DHRSX: variants seen among roughly 807,000 people sequenced by gnomAD.
The protein encoded by DHRSX is dehydrogenase/reductase X-linked, also known as polyprenol dehydrogenase.
In DHRSX, 31 loss-of-function variants were observed where a neutral mutation model predicts 34.0. The observed-to-expected ratio is 0.91, with a 90% CI of 0.69 to 1.23. DHRSX has a LOEUF of 1.23. Among genes scored for constraint, DHRSX ranks in the 50% most tolerant of loss-of-function variants. The pLI, the probability that DHRSX is intolerant of heterozygous loss-of-function variation, is 0.00. For synonymous variants in DHRSX, 201 were observed against 183.8 expected (o/e 1.09, Z -0.76); for missense variants, 414 against 428.1 (o/e 0.97, Z 0.29).
At chrX:2,494,753 G>C (rs1163682237) in intron 1 of DHRSX, among the ~76,000 whole-genome samples, 3 of 151,736 alleles carry the variant, frequency 2.0e-5, no homozygotes, top group African/African-American at 7.3e-5. Flanking sequence ...CTAGAGCCAA[G>C]TTTTATATTC....
At chrX:2,337,949 T>G (rs2042589502) in intron 3 of DHRSX, 1 of 146,956 alleles carries the variant, frequency 6.8e-6, no homozygotes, top group Non-Finnish European at 1.5e-5. Context: ...AAGTCCTTCA[T>G]GAACATAACA....
intron 3 of DHRSX, among the ~76,000 whole-genome samples, chrX:2,320,081 G>A (rs141712934): frequency 0.011 from 1,654 of 151,838 alleles, 33 homozygotes; most frequent in African/African-American, 0.037. Flanking sequence ...CACCCGCCTC[G>A]GCCTCCCAAA....
chrX:2,362,827 CA>C, intron 3 of DHRSX, among the ~76,000 whole-genome samples: 1 of 136,868 alleles, frequency 7.3e-6, no homozygotes, highest in African/African-American at 2.8e-5. Flanking sequence ...ATCATGCCTC[CA>C]TTTTATCACC....
chrX:2,294,428 C>A (rs2041905513), intron 3 of DHRSX, among the ~76,000 whole-genome samples: 1 of 152,012 alleles, frequency 6.6e-6, no homozygotes, highest in African/African-American at 2.4e-5. Flanking sequence ...CCTGTAATCT[C>A]AGCACTTTGG....
chrX:2,368,465 T>C (rs2043019777), intron 3 of DHRSX, among the ~76,000 whole-genome samples: 2 of 152,182 alleles, frequency 1.3e-5, no homozygotes, highest in South Asian at 4.1e-4. Flanking sequence ...TAATGAAACA[T>C]TTTTATGAGG....
rs2042357417 is a variant in DHRSX at position 2,324,785 on chromosome X, T to C, written c.287-33182A>G. ...TTTTCTTTTCTTTTTTTTTTTTTTT[T>C]TGAGATGGAGTCCCGCTCTGTCGCC... On this transcript the variant is annotated intron_variant, in intron 3 of 6. Coordinates refer to ENST00000334651, the MANE Select transcript of DHRSX (RefSeq NM_145177.3). 3.3e-5 allele frequency among the ~76,000 whole-genome samples: 5 copies of C among 149,900 alleles called. No homozygotes were observed. In the Admixed American group the frequency reaches 3.4e-4, roughly 10 times the overall value.
intron 3 of DHRSX, among the ~76,000 whole-genome samples, chrX:2,302,639 A>ATAT (rs963897862): frequency 6.6e-6 from 1 of 152,096 alleles, no homozygotes; most frequent in African/African-American, 2.4e-5. Context: ...AAATAAAGTA[A>ATAT]TATATTGGAT....
chrX:2,316,479 G>A (rs763071611), intron 3 of DHRSX, among the ~76,000 whole-genome samples: 1 of 152,208 alleles, frequency 6.6e-6, no homozygotes, highest in East Asian at 1.9e-4. Context: ...TTGAACCTGG[G>A]AGGTGGAGGT....
At chrX:2,377,541 A>T (rs2043155853) in intron 3 of DHRSX, among the ~76,000 whole-genome samples, 1 of 152,056 alleles carries the variant, frequency 6.6e-6, no homozygotes, top group Non-Finnish European at 1.5e-5. Context: ...AACACACATG[A>T]AGCTTTGCTC....
chrX:2,369,491 T>G (rs1274327873), intron 3 of DHRSX, among the ~76,000 whole-genome samples: 6 of 141,958 alleles, frequency 4.2e-5, no homozygotes, highest in Admixed American at 4.1e-4. Context: ...AGTTTTTGTT[T>G]TTTTTTGTTT....
chrX:2,305,721 T>A (rs895805163), intron 3 of DHRSX, among the ~76,000 whole-genome samples: 1 of 151,218 alleles, frequency 6.6e-6, no homozygotes, highest in African/African-American at 2.4e-5. Flanking sequence ...ACCATCATTC[T>A]CAGCAAACTA....
intron 1 of DHRSX, 29 bp from the exon 2 acceptor site, chrX:2,425,333 A>C (rs1209337260): frequency 6.3e-7 from 1 of 1,577,532 alleles, no homozygotes; most frequent in Admixed American, 1.7e-5. Context: ...AAATCATCAA[A>C]CTAAGATTTG....
At chrX:2,493,925 T>C (rs962644638) in intron 1 of DHRSX, among the ~76,000 whole-genome samples, 26 of 152,070 alleles carry the variant, frequency 1.7e-4, no homozygotes, top group Non-Finnish European at 2.9e-4. Flanking sequence ...TGAGCCGAGA[T>C]GGCGCCATTG....
rs1175952826 is a variant in DHRSX at position 2,254,795 on chromosome X, C to T, written c.597-11565G>A. Reference sequence around the variant, plus strand: ...CCGAGTAGCTGGGACTACAGGTGCCCGCCACCACACTCAGCTAATTTTGGT... The same window carrying T: ...CCGAGTAGCTGGGACTACAGGTGCCTGCCACCACACTCAGCTAATTTTGGT... On this transcript the variant is annotated intron_variant, in intron 5 of 6. Transcript: ENST00000334651. Among the ~76,000 whole-genome samples the T allele has an allele frequency of 4.6e-5, 7 of 151,796 alleles. No homozygotes were observed. The South Asian group carries it at 6.3e-4, about 14-fold the overall frequency.
chrX:2,466,990 G>A (rs771582462), intron 1 of DHRSX, among the ~76,000 whole-genome samples: 54 of 151,532 alleles, frequency 3.6e-4, no homozygotes, highest in African/African-American at 1.2e-3. Flanking sequence ...CCTTGAATGC[G>A]GGAGACAGAG....
chrX:2,292,283 C>T, intron 3 of DHRSX, among the ~76,000 whole-genome samples: 1 of 152,244 alleles, frequency 6.6e-6, no homozygotes, highest in Middle Eastern at 3.4e-3. Flanking sequence ...TACTCAGATC[C>T]CCAGATCTGC....
intron 1 of DHRSX, among the ~76,000 whole-genome samples, chrX:2,464,448 A>AC (rs1225585656): frequency 5.9e-5 from 5 of 84,348 alleles, no homozygotes; most frequent in African/African-American, 2.7e-4. Context: ...TGGGTAAGGG[A>AC]CCGCCGCCAT....
rs994649877 is a variant in DHRSX at position 2,369,288 on chromosome X, G to A, written c.286+39457C>T. On this transcript the variant is annotated intron_variant, in intron 3 of 6. Coordinates refer to ENST00000334651, the MANE Select transcript of DHRSX (RefSeq NM_145177.3). ...CCAACATCAGAACTGGAGACAGCAGGTACTGTGATTCAGGCGAAACTCTCA... is the reference window on the plus strand; with the variant it reads ...CCAACATCAGAACTGGAGACAGCAGATACTGTGATTCAGGCGAAACTCTCA... 4.6e-5 allele frequency among the ~76,000 whole-genome samples: 7 copies of A among 152,172 alleles called. No individual in the cohort carries two copies. In the South Asian group the frequency reaches 1.4e-3, roughly 31 times the overall value.
chrX:2,235,641 GCT>G (rs2124416005), intron 6 of DHRSX, among the ~76,000 whole-genome samples: 1 of 147,928 alleles, frequency 6.8e-6, no homozygotes, highest in East Asian at 2.0e-4. Flanking sequence ...TACTCGGGAG[GCT>G]GAGGCAGGAG....
Sources: gnomAD v4.1 joint callset for allele counts (sites outside exome capture counted in the v4.1 genomes callset) on GRCh38, gnomAD v4.1.1 for gene constraint, MANE v1.5 for transcripts, NCBI Gene and HGNC (gene_info 2026-07-23, HGNC 2026-07-21) for gene names.